Variants in SUMF1 observed in about 807,000 individuals in gnomAD.
SUMF1 encodes the protein sulfatase modifying factor 1.
A neutral mutation model predicts 47.6 loss-of-function variants in SUMF1; 48 were observed. That is an observed-to-expected ratio of 1.01 (90% CI 0.80 to 1.28). The LOEUF is 1.28. Ranked by LOEUF, SUMF1 falls within the 50% of genes most tolerant of loss-of-function variation. The pLI, the probability that SUMF1 is intolerant of heterozygous loss-of-function variation, is 0.00. For synonymous variants in SUMF1, 230 were observed against 192.1 expected, an observed-to-expected ratio of 1.20 and a Z score of -1.63; for missense variants, 571 against 485.4, an observed-to-expected ratio of 1.18 and a Z score of -1.66.
At chr3:4,121,162 A>C (rs901954623) in intron 8 of SUMF1, among the ~76,000 whole-genome samples, 10 of 151,172 alleles carry the variant, frequency 6.6e-5, no homozygotes, top group Non-Finnish European at 1.2e-4. Context: ...AGGAAATTTG[A>C]CTTGACAATT....
chr3:4,462,078 A>C (rs2125170142), intron 1 of SUMF1, among the ~76,000 whole-genome samples: 1 of 152,306 alleles, frequency 6.6e-6, no homozygotes, highest in South Asian at 2.1e-4. Flanking sequence ...GGGCACTGCT[A>C]TTTTGGTCCA....
intron 8 of SUMF1, among the ~76,000 whole-genome samples, chr3:4,339,756 C>G (rs553391969): frequency 6.6e-6 from 1 of 152,058 alleles, no homozygotes; most frequent in Non-Finnish European, 1.5e-5. Flanking sequence ...ATTTTTGCAC[C>G]CATCCAAATC....
intron 9 of SUMF1, among the ~76,000 whole-genome samples, chr3:4,048,575 T>C (rs963135233): frequency 4.6e-5 from 7 of 152,094 alleles, no homozygotes; most frequent in Non-Finnish European, 1.0e-4. Context: ...CATGTGCTTC[T>C]TTATAGCCCC....
chr3:4,456,998 G>GTA (rs1284250150), intron 1 of SUMF1, among the ~76,000 whole-genome samples: 445 of 126,926 alleles, frequency 3.5e-3, no homozygotes, highest in East Asian at 8.0e-3. Context: ...ATACGTGTGT[G>GTA]TATATATATA....
chr3:4,358,088 C>A (rs1209917809), downstream of SUMF1, among the ~76,000 whole-genome samples: 2 of 152,118 alleles, frequency 1.3e-5, no homozygotes, highest in Non-Finnish European at 2.9e-5. Context: ...TAGTTTGAAG[C>A]ATCTATGCAG....
chr3:4,209,281 C>T (rs1194019954), intron 8 of SUMF1, among the ~76,000 whole-genome samples: 1 of 152,112 alleles, frequency 6.6e-6, no homozygotes, highest in Admixed American at 6.5e-5. Context: ...ATACAAAAAT[C>T]AACCATGCCA....
chr3:4,336,788 A>C (rs1320934278), intron 8 of SUMF1, among the ~76,000 whole-genome samples: 3 of 152,240 alleles, frequency 2.0e-5, no homozygotes, highest in Non-Finnish European at 4.4e-5. Context: ...TAGTCACATA[A>C]AAACCATAGT....
At chr3:4,299,627 G>A (rs1360063565) in intron 8 of SUMF1, among the ~76,000 whole-genome samples, 2 of 152,122 alleles carry the variant, frequency 1.3e-5, no homozygotes, top group South Asian at 2.1e-4. Flanking sequence ...TGGTCAATTC[G>A]GTGAAACCCC....
chr3:4,072,202 CCTGA>C (rs1354138612), intron 8 of SUMF1, among the ~76,000 whole-genome samples: 2 of 152,126 alleles, frequency 1.3e-5, no homozygotes, highest in African/African-American at 2.4e-5. Context: ...AGCTAAGTGG[CCTGA>C]CTGTCAGAAG....
At chr3:4,191,383 C>A (rs1396595614) in intron 8 of SUMF1, among the ~76,000 whole-genome samples, 1 of 152,106 alleles carries the variant, frequency 6.6e-6, no homozygotes, top group East Asian at 1.9e-4. Flanking sequence ...CAAAGTCTAG[C>A]AAGCCTGGTA....
At chr3:4,206,668 A>T (rs1453688889) in intron 8 of SUMF1, among the ~76,000 whole-genome samples, 1 of 152,040 alleles carries the variant, frequency 6.6e-6, no homozygotes, top group African/African-American at 2.4e-5. Context: ...AGGTACTATG[A>T]TCACTCACCT....
chr3:4,436,133 T>C (rs1702388559), intron 3 of SUMF1, among the ~76,000 whole-genome samples: 3 of 152,084 alleles, frequency 2.0e-5, no homozygotes, highest in Non-Finnish European at 4.4e-5. Flanking sequence ...AAAAAGTAAA[T>C]AAATAAATTA....
intron 8 of SUMF1, among the ~76,000 whole-genome samples, chr3:4,203,837 G>C (rs1468943693): frequency 6.6e-6 from 1 of 151,252 alleles, no homozygotes; most frequent in Non-Finnish European, 1.5e-5. Flanking sequence ...TAACAACATT[G>C]ATTACAAAAA....
At chr3:4,201,603 T>C (rs1695541315) in intron 8 of SUMF1, among the ~76,000 whole-genome samples, 1 of 152,138 alleles carries the variant, frequency 6.6e-6, no homozygotes, top group Admixed American at 6.6e-5. Flanking sequence ...GCAATAAACA[T>C]GGGAGTGTAG....
intron 8 of SUMF1, among the ~76,000 whole-genome samples, chr3:4,099,803 C>T (rs1034175107): frequency 3.3e-5 from 5 of 151,656 alleles, no homozygotes; most frequent in African/African-American, 9.7e-5. Flanking sequence ...TGTTTCTATA[C>T]ACTAACCACA....
chr3:4,282,272 A>T (rs1335195837), intron 8 of SUMF1, among the ~76,000 whole-genome samples: 2 of 152,174 alleles, frequency 1.3e-5, no homozygotes, highest in African/African-American at 4.8e-5. Context: ...AGATGAATAC[A>T]AGGGAAAAAG....
At position 4,330,071 on chromosome 3, in the gene SUMF1, T is replaced by A. The variant is rs139974178; in HGVS notation, c.1014+46259A>T. Among the ~76,000 whole-genome samples, 967 of 152,312 alleles carry A rather than the reference T, an allele frequency of 6.3e-3. 7 individuals carry two copies. The highest frequency in any genetic ancestry group is 0.022 in the African/African-American group (921 of 41,558). On this transcript the variant is annotated intron_variant and NMD_transcript_variant, in intron 8 of 12. Transcript: ENST00000448413. ...TTTGCTCCAGTTCCCAACAAGTTCC[T>A]CATCTCCATCTGAGACCACCTCAGC...
intron 8 of SUMF1, among the ~76,000 whole-genome samples, chr3:4,250,191 G>A (rs916885735): frequency 6.0e-5 from 9 of 151,050 alleles, no homozygotes; most frequent in Non-Finnish European, 8.9e-5. Flanking sequence ...GGGGAAGGGG[G>A]AGGGAGTGAA....
intron 8 of SUMF1, among the ~76,000 whole-genome samples, chr3:4,105,271 G>GT (rs533264470): frequency 5.1e-4 from 78 of 152,220 alleles, no homozygotes; most frequent in African/African-American, 1.7e-3. Context: ...AATGCACAGA[G>GT]TTTTAGTTAA....
Sources: gnomAD v4.1 joint callset for allele counts (sites outside exome capture counted in the v4.1 genomes callset) on GRCh38, gnomAD v4.1.1 for gene constraint, MANE v1.5 for transcripts, NCBI Gene and HGNC (gene_info 2026-07-23, HGNC 2026-07-21) for gene names.